Variants in TOP1MT observed in about 807,000 individuals in gnomAD.
TOP1MT encodes the protein DNA topoisomerase I, mitochondrial.
Under a neutral mutation model 73.9 loss-of-function variants are expected in TOP1MT, and 80 were observed. The observed-to-expected ratio is 1.08, with a 90% CI of 0.90 to 1.30. TOP1MT has a LOEUF of 1.30. TOP1MT is among the 50% of genes most tolerant of loss of function. TOP1MT has a pLI of 0.00. For synonymous variants in TOP1MT, 338 were observed against 326.4 expected (o/e 1.04, Z -0.38); for missense variants, 815 against 808.0 (o/e 1.01, Z -0.10).
chr8:143,348,471 C>A (rs1460753417), upstream of TOP1MT, among the ~76,000 whole-genome samples: 1 of 152,184 alleles, frequency 6.6e-6, no homozygotes, highest in Non-Finnish European at 1.5e-5. The surrounding 1 kb of genome is among the most constrained non-coding windows in gnomAD (Gnocchi z 4.6). Flanking sequence ...CACCGACCTC[C>A]CCCACAAGCC....
chr8:143,337,283 T>C (rs1266748973), upstream of TOP1MT, among the ~76,000 whole-genome samples: 1 of 152,134 alleles, frequency 6.6e-6, no homozygotes, highest in Non-Finnish European at 1.5e-5. Context: ...CAGGCGCCTG[T>C]AGTCCCAGCT....
chr8:143,359,475 C>G, upstream of TOP1MT: 1 of 976,010 alleles, frequency 1.0e-6, no homozygotes, highest in Non-Finnish European at 1.2e-6. Context: ...GGCAGCCAGA[C>G]CGGCACCGCT....
intron 7 of TOP1MT, among the ~76,000 whole-genome samples, chr8:143,323,290 A>G (rs1816582730): frequency 1.6e-5 from 2 of 122,542 alleles, no homozygotes; most frequent in Admixed American, 8.0e-5. Context: ...CACGCCACAC[A>G]CGCACGCCAC....
chr8:143,330,832 G>A (rs1410865956), intron 2 of TOP1MT, among the ~76,000 whole-genome samples: 2 of 152,024 alleles, frequency 1.3e-5, no homozygotes, highest in Non-Finnish European at 2.9e-5. Context: ...TCCGCTTCTT[G>A]CTGAGAATCA....
chr8:143,328,530 G>A (rs575278124), intron 3 of TOP1MT, among the ~76,000 whole-genome samples: 9 of 152,232 alleles, frequency 5.9e-5, no homozygotes, highest in South Asian at 2.1e-4. Context: ...CCTCGCACCC[G>A]CGGCAGGCGT....
upstream of TOP1MT, among the ~76,000 whole-genome samples, chr8:143,337,450 T>C (rs1817002038): frequency 6.6e-6 from 1 of 151,960 alleles, no homozygotes; most frequent in South Asian, 2.1e-4. Context: ...AAAAACTCAA[T>C]ACAATCCCCA....
chr8:143,310,031 G>T, intron 13 of TOP1MT, 37 bp downstream of exon 13: 1 of 1,605,244 alleles, frequency 6.2e-7, no homozygotes. Context: ...GCCCCCCATA[G>T]GCCACAGGTG....
chr8:143,326,367 C>T, intron 3 of TOP1MT, 23 bp from the exon 4 acceptor site: 1 of 1,613,690 alleles, frequency 6.2e-7, no homozygotes, highest in African/African-American at 1.3e-5. Flanking sequence ...CAGACACGCG[C>T]TCTCACCATG....
chr8:143,332,132 C>T (rs1586772133), intron 1 of TOP1MT, among the ~76,000 whole-genome samples: 1 of 152,212 alleles, frequency 6.6e-6, no homozygotes, highest in African/African-American at 2.4e-5. Context: ...CCAGGCCAGT[C>T]ATCATCTATC....
intron 1 of TOP1MT, among the ~76,000 whole-genome samples, chr8:143,333,396 T>C (rs548917639): frequency 2.6e-4 from 40 of 152,044 alleles, no homozygotes; most frequent in African/African-American, 7.7e-4. Context: ...TTGCAGTGAG[T>C]TGAAATTGCA....
At chr8:143,309,621 C>T (rs1563750451) in intron 13 of TOP1MT, 78 bp from the exon 14 acceptor site, 15 of 1,593,382 alleles carry the variant, frequency 9.4e-6, no homozygotes, top group East Asian at 6.7e-5. Flanking sequence ...TCGGCAAGGG[C>T]GAGCGTCCTC....
At chr8:143,334,935 A>C (rs1816956480), upstream of TOP1MT, 1 of 1,249,282 alleles carries the variant, frequency 8.0e-7, no homozygotes, top group African/African-American at 1.6e-5. Context: ...CCCAGCGGCC[A>C]GCCCCGCCCC....
intron 2 of TOP1MT, among the ~76,000 whole-genome samples, chr8:143,342,714 T>TTC (rs1817142790): frequency 1.9e-5 from 2 of 106,474 alleles, no homozygotes; most frequent in African/African-American, 2.9e-5. Flanking sequence ...AGTCTCGCTG[T>TTC]TATTATTATT....
chr8:143,315,662 G>A, intron 12 of TOP1MT, 65 bp downstream of exon 12: 6 of 1,312,946 alleles, frequency 4.6e-6, no homozygotes, highest in Non-Finnish European at 6.5e-6. Flanking sequence ...CCGACCCTGT[G>A]GGGCTGGACC....
At chr8:143,327,601 G>A (rs1197692172) in intron 3 of TOP1MT, 1 of 194,486 alleles carries the variant, frequency 5.1e-6, no homozygotes, top group South Asian at 7.1e-5. Context: ...TCCCGGGGCC[G>A]CCGGATGTGC....
chr8:143,309,871 C>G, intron 13 of TOP1MT, 197 bp downstream of exon 13: 1 of 1,542,408 alleles, frequency 6.5e-7, no homozygotes, highest in Non-Finnish European at 8.7e-7. Context: ...CCCACTTCAC[C>G]CTGTCCATCC....
intron 1 of TOP1MT, among the ~76,000 whole-genome samples, chr8:143,354,549 C>T (rs1164499612): frequency 6.6e-6 from 1 of 151,882 alleles, no homozygotes; most frequent in Non-Finnish European, 1.5e-5. Flanking sequence ...CCCGTCTCTA[C>T]TAAAAATACA....
At chr8:143,315,967 G>A (rs755452639) in intron 11 of TOP1MT, 32 bp downstream of exon 11, 3 of 1,613,916 alleles carry the variant, frequency 1.9e-6, no homozygotes, top group South Asian at 2.2e-5. Context: ...TCCCTTGAGG[G>A]CTGGGCTGGG....
rs1202823462 is a variant in TOP1MT at position 143,317,900 on chromosome 8, G to C, written c.1216-63C>G. 3 of 1,596,630 alleles carry C rather than the reference G, an allele frequency of 1.9e-6. No individual in the cohort carries two copies. The South Asian group carries it at 3.3e-5, about 18-fold the overall frequency. ...GCGGGGCCGTCCCAGCCTCCCGCGG[G>C]AAGGAAAGGACATGTCAGCCGTTGG... On this transcript the variant is annotated intron_variant, in intron 9 of 13. Transcript: ENST00000329245.
Sources: allele counts gnomAD v4.1 joint callset (sites outside exome capture counted in the v4.1 genomes callset), GRCh38; gene constraint gnomAD v4.1.1; non-coding constraint Gnocchi (gnomAD v3.1); transcripts MANE v1.5; gene names NCBI Gene and HGNC (gene_info 2026-07-23, HGNC 2026-07-21).